The following LMO3 variants were observed in gnomAD, a reference collection of about 807,000 sequenced individuals.
LMO3 encodes the protein LIM domain only protein 3.
Under a neutral mutation model 15.8 loss-of-function variants are expected in LMO3, and 2 were observed. That is an observed-to-expected ratio of 0.13 (90% confidence interval 0.05 to 0.40). The LOEUF (loss-of-function observed/expected upper bound fraction) is 0.40. Ranked by LOEUF, LMO3 falls within the 10% of genes least tolerant of loss-of-function variation. The pLI is 0.99. For synonymous variants in LMO3, 62 were observed against 63.8 expected, an observed-to-expected ratio of 0.97 and a Z score of 0.13; for missense variants, 86 against 182.2, an observed-to-expected ratio of 0.47 and a Z score of 3.04.
chr12:16,564,050 A>T (rs1195263962), intron 2 of LMO3, among the ~76,000 whole-genome samples: 1 of 152,224 alleles, frequency 6.6e-6, no homozygotes, highest in Non-Finnish European at 1.5e-5. Context: ...CCGGCCATAC[A>T]ATATCAGTGC....
chr12:16,585,132 C>A lies in LMO3; in HGVS notation c.206+15523G>T, dbSNP rs868369211. Among the ~76,000 whole-genome samples the A allele has an allele frequency of 6.6e-6, 1 of 152,168 alleles. No homozygotes were observed. The highest frequency in any genetic ancestry group is 1.9e-4 in the East Asian group (1 of 5,190). On this transcript the variant is annotated intron_variant, in intron 2 of 3. Transcript: ENST00000537304. This position sits in a 1 kb window ranked among gnomAD's most constrained non-coding sequence, Gnocchi z 4.7. ...TGCTGGAATTAAGTCATGGCTTCCC[C>A]CTTTGGGTGGCGCATGCAAGCCCCA...
At chr12:16,551,985 C>T (rs1393969201) in intron 3 of LMO3, among the ~76,000 whole-genome samples, 1 of 151,948 alleles carries the variant, frequency 6.6e-6, no homozygotes, top group African/African-American at 2.4e-5. Flanking sequence ...ACTTCCAATT[C>T]AACCAAAGGG....
In LMO3 at chr12:16,600,647, A is replaced by T. The variant is rs770039048; in HGVS notation, c.206+8T>A. 1 of 1,612,652 alleles carries T rather than the reference A, an allele frequency of 6.2e-7. No individual in the cohort carries two copies. Among genetic ancestry groups the T allele is most frequent in the Non-Finnish European group, 8.5e-7 (1 of 1,178,650 alleles). ...CAGTCATCACTGGTGTGCAAGGATA[A>T]TTCCTACCTCAGATAGTCTCTGCGA... is the stretch of plus-strand genomic sequence containing the variant. On this transcript the variant is annotated splice_region_variant and intron_variant, in intron 2 of 3. Coordinates refer to ENST00000537304, the MANE Select transcript of LMO3 (RefSeq NM_018640.5).
intron 2 of LMO3, among the ~76,000 whole-genome samples, chr12:16,562,342 C>A (rs919755975): frequency 5.9e-5 from 9 of 152,096 alleles, no homozygotes; most frequent in Admixed American, 5.2e-4. Flanking sequence ...GTTCTTTATT[C>A]AATGAATATA....
chr12:16,561,855 G>A (rs1464636754), intron 2 of LMO3, among the ~76,000 whole-genome samples: 2 of 152,152 alleles, frequency 1.3e-5, no homozygotes, highest in Non-Finnish European at 2.9e-5. Flanking sequence ...CGCCTTGAAG[G>A]TAGAAACAAT....
intron 2 of LMO3, among the ~76,000 whole-genome samples, chr12:16,590,895 AT>A (rs1943474874): frequency 1.3e-5 from 2 of 152,190 alleles, no homozygotes; most frequent in African/African-American, 4.8e-5. Flanking sequence ...TTTCACAACT[AT>A]TACTTAATCA....
chr12:16,551,029 A>T lies in LMO3; in HGVS notation c.*193T>A. ...ATGTACATTACTTTTTTCTTTAATA[A>T]TAAACATTCAACTCTGAACTGGGGC... is the stretch of plus-strand genomic sequence containing the variant. On this transcript the variant is annotated 3_prime_UTR_variant, in exon 4 of 4. Coordinates refer to ENST00000537304, the MANE Select transcript of LMO3 (RefSeq NM_018640.5). 1 of 496,962 alleles carries T rather than the reference A, an allele frequency of 2.0e-6. No individual in the cohort carries two copies. Among genetic ancestry groups the T allele is most frequent in the Non-Finnish European group, 3.6e-6 (1 of 276,952 alleles). The allele number at this position is 496,962 out of a possible 1,614,324, so 30.8% of individuals were successfully genotyped here. A position where few individuals can be genotyped will look rare whatever the true frequency, so the allele number is the denominator to read the frequency against.
rs1943341452 is a variant in LMO3 at position 16,586,945 on chromosome 12, A to T, written c.206+13710T>A. The stretch of plus-strand genomic sequence containing the variant: ...AATAATAGAGTCATGTGATAGCTTA[A>T]AAACACATGCTTTATCATCATTCAG... On this transcript the variant is annotated intron_variant, in intron 2 of 3. Transcript: ENST00000537304. The surrounding 1 kb of genome is among the most constrained non-coding windows in gnomAD (Gnocchi z 4.3). Among the ~76,000 whole-genome samples the T allele has an allele frequency of 6.6e-6, 1 of 152,230 alleles. No homozygotes were observed. The highest frequency in any genetic ancestry group is 2.4e-5 in the African/African-American group (1 of 41,454).
rs938273207 is a variant in LMO3, at chr12:16,550,165, T to C, written c.*1057A>G. 2.0e-4 allele frequency: 30 copies of C among 152,120 alleles called. No homozygotes were observed. The highest frequency in any genetic ancestry group is 7.2e-4 in the African/African-American group (30 of 41,442). 9.4% of individuals were successfully genotyped at this position (152,120 alleles called of 1,614,324 possible). A position where few individuals can be genotyped will look rare whatever the true frequency, so the allele number is the denominator to read the frequency against. ...TACTCAAATACCATCATAGCTTCAA[T>C]GTGCATTATAGTGATTTCAGTAGAT... On this transcript the variant is annotated 3_prime_UTR_variant, in exon 4 of 4. Coordinates refer to ENST00000537304, the MANE Select transcript of LMO3 (RefSeq NM_018640.5).
In LMO3 at chr12:16,551,023, T is replaced by C; in HGVS notation, c.*199A>G. 3 of 490,356 alleles carry C rather than the reference T, an allele frequency of 6.1e-6. No homozygotes were observed. The Middle Eastern group carries it at 9.5e-4, about 155-fold the overall frequency. 30.4% of individuals were successfully genotyped at this position (490,356 alleles called of 1,614,324 possible). A position where few individuals can be genotyped will look rare whatever the true frequency, so the allele number is the denominator to read the frequency against. On this transcript the variant is annotated 3_prime_UTR_variant, in exon 4 of 4. Coordinates refer to ENST00000537304, the MANE Select transcript of LMO3 (RefSeq NM_018640.5). The stretch of plus-strand genomic sequence containing the variant: ...AGCCATATGTACATTACTTTTTTCT[T>C]TAATAATAAACATTCAACTCTGAAC...
chr12:16,588,339 T>C (rs1320888001), intron 2 of LMO3, among the ~76,000 whole-genome samples: 1 of 152,058 alleles, frequency 6.6e-6, no homozygotes, highest in Admixed American at 6.6e-5. Context: ...TGAAAAATAA[T>C]GTGAGTAAAA....
In LMO3 at chr12:16,605,447, C is replaced by A. The variant is rs1344083429; in HGVS notation, c.-9+619G>T. The A allele has an allele frequency of 6.9e-6, 5 of 729,384 alleles. 1 individual carries two copies. The highest frequency in any genetic ancestry group is 8.3e-6 in the Non-Finnish European group (5 of 604,246). The allele number at this position is 729,384 out of a possible 1,614,324, so 45.2% of individuals were successfully genotyped here. On this transcript the variant is annotated intron_variant, in intron 1 of 3. Coordinates refer to ENST00000537304, the MANE Select transcript of LMO3 (RefSeq NM_018640.5). Reference sequence around the variant, plus strand: ...GCCCCTACCCGCCTGCCCCCCCCCCCCGCCCCCATGCCCAAACACAGCCAC... The same window carrying A: ...GCCCCTACCCGCCTGCCCCCCCCCCACGCCCCCATGCCCAAACACAGCCAC...
At chr12:16,572,850 T>G (rs1229708945) in intron 2 of LMO3, among the ~76,000 whole-genome samples, 11 of 151,668 alleles carry the variant, frequency 7.3e-5, no homozygotes, top group Non-Finnish European at 1.3e-4. Context: ...GGATACTACA[T>G]TAAGGCCAAA....
upstream of LMO3, among the ~76,000 whole-genome samples, chr12:16,609,492 G>T (rs1368290622): frequency 6.6e-6 from 1 of 152,122 alleles, no homozygotes; most frequent in Non-Finnish European, 1.5e-5. Context: ...TAAAGAGCCA[G>T]ATCTTTTTGG....
chr12:16,585,098 C>T lies in LMO3; in HGVS notation c.206+15557G>A, dbSNP rs979993368. On this transcript the variant is annotated intron_variant, in intron 2 of 3. Transcript: ENST00000537304. This position sits in a 1 kb window ranked among gnomAD's most constrained non-coding sequence, Gnocchi z 4.7. ...AAATCAGCAACATTAGGCCCACATTCGTACAGTGTGCTGGAATTAAGTCAT... is the reference window on the plus strand; with the variant it reads ...AAATCAGCAACATTAGGCCCACATTTGTACAGTGTGCTGGAATTAAGTCAT... Among the ~76,000 whole-genome samples the T allele has an allele frequency of 4.6e-5, 7 of 152,282 alleles. No homozygotes were observed. The East Asian group carries it at 7.7e-4, about 17-fold the overall frequency.
rs1942315703 is a variant in LMO3, at chr12:16,559,640, G to A, written c.332+773C>T. On this transcript the variant is annotated intron_variant, in intron 3 of 3. Transcript: ENST00000537304. The surrounding 1 kb of genome is among the most constrained non-coding windows in gnomAD (Gnocchi z 4.1). The stretch of plus-strand genomic sequence containing the variant: ...AACTGCAAAAGTACATATAGGACAG[G>A]GTTAAAATTTAAGGTAAACAGCTAG... Among the ~76,000 whole-genome samples the A allele has an allele frequency of 6.6e-6, 1 of 151,980 alleles. No individual in the cohort carries two copies. The highest frequency in any genetic ancestry group is 1.5e-5 in the Non-Finnish European group (1 of 67,984).
intron 2 of LMO3, among the ~76,000 whole-genome samples, chr12:16,581,934 G>A (rs1464623181): frequency 3.3e-5 from 5 of 151,408 alleles, no homozygotes; most frequent in Admixed American, 2.0e-4. Flanking sequence ...GAGTTTTCTC[G>A]ATTTTCTGCA....
rs996095695 is a variant in LMO3 at position 16,559,825 on chromosome 12, G to T, written c.332+588C>A. Among the ~76,000 whole-genome samples the T allele has an allele frequency of 6.6e-6, 1 of 151,740 alleles. No individual in the cohort carries two copies. Among genetic ancestry groups the T allele is most frequent in the Non-Finnish European group, 1.5e-5 (1 of 67,948 alleles). ...AAAAAAAAAAAAATTAGCCAGGCAT[G>T]GGAGTGCACACCTGTACTCCCAGCT... On this transcript the variant is annotated intron_variant, in intron 3 of 3. Coordinates refer to ENST00000537304, the MANE Select transcript of LMO3 (RefSeq NM_018640.5). The surrounding 1 kb of genome is among the most constrained non-coding windows in gnomAD (Gnocchi z 4.1).
At chr12:16,600,291 CAA>C (rs35993210) in intron 2 of LMO3, 5,939 of 69,526 alleles carry the variant, frequency 0.085, 59 homozygotes, top group Admixed American at 0.12. Context: ...CCTTAAGCTC[CAA>C]AAAAAAAAAA....
Sources: gnomAD v4.1 joint callset for allele counts (sites outside exome capture counted in the v4.1 genomes callset) on GRCh38, gnomAD v4.1.1 for gene constraint, Gnocchi (gnomAD v3.1) non-coding constraint, MANE v1.5 for transcripts, NCBI Gene and HGNC (gene_info 2026-07-23, HGNC 2026-07-21) for gene names.